The following DNAAF9 variants were observed in gnomAD, a reference collection of about 807,000 sequenced individuals.
DNAAF9 encodes dynein axonemal assembly factor 9, also known as shulin.
Under a neutral mutation model 167.0 loss-of-function variants are expected in DNAAF9, and 90 were observed. That is an observed-to-expected ratio of 0.54 (90% confidence interval 0.45 to 0.64). DNAAF9 has a LOEUF of 0.64. DNAAF9 is among the 30% of genes least tolerant of loss of function. The pLI is 0.00. For missense variants in DNAAF9, 1,315 were observed against 1,442.2 expected (o/e 0.91, Z 1.43); for synonymous variants, 491 against 508.8 (o/e 0.96, Z 0.47).
intron 20 of DNAAF9, among the ~76,000 whole-genome samples, chr20:3,308,963 A>T (rs2069354726): frequency 6.6e-6 from 1 of 151,970 alleles, no homozygotes; most frequent in South Asian, 2.1e-4. Flanking sequence ...ACCTCATCTA[A>T]CCCCTATTTC....
At chr20:3,364,117 G>A (rs557077648) in intron 6 of DNAAF9, among the ~76,000 whole-genome samples, 90 of 152,052 alleles carry the variant, frequency 5.9e-4, no homozygotes, top group African/African-American at 2.1e-3. Flanking sequence ...TCCTTTTTTT[G>A]TATCTTCTAT....
intron 17 of DNAAF9, 151 bp downstream of exon 17, chr20:3,318,138 T>C (rs768176470): frequency 5.6e-6 from 2 of 358,022 alleles, no homozygotes; most frequent in East Asian, 8.1e-5. Context: ...GGTCTCACTG[T>C]GTCACTGAGG....
At chr20:3,274,160 T>C (rs573100090) in intron 29 of DNAAF9, among the ~76,000 whole-genome samples, 44 of 152,296 alleles carry the variant, frequency 2.9e-4, no homozygotes, top group Non-Finnish European at 2.4e-4. Context: ...TTATTTTTTT[T>C]GAGACAGAGT....
Position 3,253,837 on chromosome 20 carries a change from C to A in DNAAF9, c.3328-18G>T. The stretch of plus-strand genomic sequence containing the variant: ...CGTTTTACCTGTAGGAGAAAAGAGA[C>A]CTGTAATAATTATCTGACTACTTTC... On this transcript the variant is annotated intron_variant, in intron 35 of 36. Transcript: ENST00000252032. 7.4e-7 allele frequency: 1 copy of A among 1,350,586 alleles called. No individual in the cohort carries two copies. Among genetic ancestry groups the A allele is most frequent in the Non-Finnish European group, 1.1e-6 (1 of 940,214 alleles). 83.7% of individuals were successfully genotyped at this position (1,350,586 alleles called of 1,614,324 possible).
intron 6 of DNAAF9, among the ~76,000 whole-genome samples, chr20:3,367,913 T>TTA (rs2083450526): frequency 1.4e-5 from 2 of 142,224 alleles, no homozygotes; most frequent in South Asian, 2.3e-4. Flanking sequence ...TCAATTTGTT[T>TTA]AAAAAAAAAA....
intron 20 of DNAAF9, among the ~76,000 whole-genome samples, chr20:3,305,492 A>G (rs1002336903): frequency 6.6e-6 from 1 of 152,238 alleles, no homozygotes; most frequent in Non-Finnish European, 1.5e-5. Context: ...AGGCCAAGAG[A>G]TAAATAAGTG....
intron 6 of DNAAF9, among the ~76,000 whole-genome samples, chr20:3,365,899 T>C (rs909719383): frequency 1.4e-4 from 21 of 152,188 alleles, no homozygotes; most frequent in African/African-American, 2.9e-4. Flanking sequence ...TCCCCATCCA[T>C]TGAAGTTTTT....
chr20:3,291,345 G>GTTTT (rs1330690178), intron 25 of DNAAF9, among the ~76,000 whole-genome samples: 1 of 133,596 alleles, frequency 7.5e-6, no homozygotes. Flanking sequence ...AAGTTTTTTT[G>GTTTT]TTTTTTTTTT....
rs148280852 is a variant in DNAAF9, at chr20:3,350,697, T to C, written c.691-2074A>G. Among the ~76,000 whole-genome samples the C allele has an allele frequency of 2.0e-5, 3 of 152,276 alleles. No individual in the cohort carries two copies. In the East Asian group the frequency reaches 5.8e-4, roughly 29 times the overall value. On this transcript the variant is annotated intron_variant, in intron 7 of 36. Coordinates refer to ENST00000252032, the MANE Select transcript of DNAAF9 (RefSeq NM_001009984.3). ...AAGATAAGGCTGGGATATCTTAACA[T>C]AGTAGCTGGCAAGGAAGTTATCAAG...
chr20:3,322,702 GAC>G lies in DNAAF9; in HGVS notation c.1266-8_1266-7del. On this transcript the variant is annotated splice_polypyrimidine_tract_variant and splice_region_variant and intron_variant, in intron 14 of 36. Coordinates refer to ENST00000252032, the MANE Select transcript of DNAAF9 (RefSeq NM_001009984.3). Reference sequence around the variant, plus strand: ...TATGAAAAGTCATCTTGGAGCTGTAGACCAGAAACAAAACAAAAGAAAAATCA... The same window carrying G: ...TATGAAAAGTCATCTTGGAGCTGTAGCAGAAACAAAACAAAAGAAAAATCA... The G allele has an allele frequency of 1.2e-6, 2 of 1,610,560 alleles. No homozygotes were observed. The highest frequency in any genetic ancestry group is 1.7e-6 in the Non-Finnish European group (2 of 1,176,842).
chr20:3,289,261 T>G (rs906610752), intron 26 of DNAAF9, among the ~76,000 whole-genome samples: 2 of 152,168 alleles, frequency 1.3e-5, no homozygotes, highest in South Asian at 2.1e-4. Flanking sequence ...GTTGTGCACA[T>G]GTATTCTAAA....
intron 10 of DNAAF9, 71 bp from the exon 11 acceptor site, chr20:3,332,432 GTA>G (rs1338960368): frequency 5.3e-6 from 4 of 756,472 alleles, no homozygotes; most frequent in Middle Eastern, 2.5e-4. Flanking sequence ...TAAACAAAAA[GTA>G]TAGAGTCAAT....
intron 1 of DNAAF9, among the ~76,000 whole-genome samples, chr20:3,386,653 T>A (rs1465970044): frequency 6.6e-6 from 1 of 152,064 alleles, no homozygotes; most frequent in Non-Finnish European, 1.5e-5. Flanking sequence ...TATGAAAGAC[T>A]CTGTTGAGAG....
intron 26 of DNAAF9, 107 bp from the exon 27 acceptor site, chr20:3,287,897 C>T (rs954675950): frequency 1.0e-6 from 1 of 979,364 alleles, no homozygotes; most frequent in Non-Finnish European, 1.6e-6. Flanking sequence ...CCATTCTGCC[C>T]AGTGAATCCA....
At chr20:3,397,247 CAAA>C (rs563829447) in intron 1 of DNAAF9, among the ~76,000 whole-genome samples, 11 of 119,980 alleles carry the variant, frequency 9.2e-5, no homozygotes, top group South Asian at 2.6e-4. Flanking sequence ...GACCCCGTAT[CAAA>C]AAAAAAAAAA....
intron 23 of DNAAF9, chr20:3,295,478 CTT>C (rs33916484): frequency 3.1e-3 from 760 of 246,116 alleles, no homozygotes; most frequent in South Asian, 7.0e-3. Flanking sequence ...TGCGCCTGAC[CTT>C]TTTTTTTTTT....
chr20:3,266,049 T>G (rs2122779060), intron 30 of DNAAF9, among the ~76,000 whole-genome samples: 1 of 152,358 alleles, frequency 6.6e-6, no homozygotes, highest in Non-Finnish European at 1.5e-5. Flanking sequence ...TTGATTCTCA[T>G]GGTGTTGATA....
At chr20:3,341,787 T>C (rs958208052) in intron 9 of DNAAF9, among the ~76,000 whole-genome samples, 4 of 152,170 alleles carry the variant, frequency 2.6e-5, no homozygotes, top group African/African-American at 9.7e-5. Context: ...TATATATACA[T>C]ATTTTTTTGA....
At chr20:3,327,573 TTGTAAAGGAATCA>T (rs2069734231) in intron 12 of DNAAF9, among the ~76,000 whole-genome samples, 1 of 152,078 alleles carries the variant, frequency 6.6e-6, no homozygotes, top group South Asian at 2.1e-4. Context: ...CATAAGAATC[TTGTAAAGGAATCA>T]GGTAAAGGAA....
Sources: gnomAD v4.1 joint callset for allele counts (sites outside exome capture counted in the v4.1 genomes callset) on GRCh38, gnomAD v4.1.1 for gene constraint, MANE v1.5 for transcripts, NCBI Gene and HGNC (gene_info 2026-07-23, HGNC 2026-07-21) for gene names.